HMGA2: variants seen among roughly 807,000 people sequenced by gnomAD.
HMGA2 encodes the protein high mobility group AT-hook 2.
A neutral mutation model predicts 19.1 loss-of-function variants in HMGA2; 8 were observed. The observed-to-expected ratio is 0.42, with a 90% CI of 0.25 to 0.76. HMGA2 has a LOEUF of 0.76. HMGA2 is among the 30% of genes least tolerant of loss of function. The pLI is 0.28. For missense variants in HMGA2, 109 were observed against 136.3 expected (o/e 0.80, Z 1.00); for synonymous variants, 60 against 48.8 (o/e 1.23, Z -0.96).
intron 3 of HMGA2, chr12:65,881,639 G>A: frequency 1.5e-6 from 1 of 663,278 alleles, no homozygotes; most frequent in Non-Finnish European, 2.7e-6. Flanking sequence ...AGGGAGGGAG[G>A]GAGGGAGGGA....
At chr12:65,947,289 A>ATTTT (rs760784031) in intron 3 of HMGA2, among the ~76,000 whole-genome samples, 1 of 151,972 alleles carries the variant, frequency 6.6e-6, no homozygotes. Flanking sequence ...CTGGCTAATT[A>ATTTT]TTTTTAATAG....
chr12:65,838,998 C>CTTTTTTTCTTTTT (rs1555180496), intron 3 of HMGA2, among the ~76,000 whole-genome samples: 4 of 107,220 alleles, frequency 3.7e-5, no homozygotes, highest in African/African-American at 1.6e-4. Flanking sequence ...TTTTCTTTTT[C>CTTTTTTTCTTTTT]TTTTTTTTTT....
intron 3 of HMGA2, among the ~76,000 whole-genome samples, chr12:65,896,943 T>A (rs902826094): frequency 1.3e-5 from 2 of 152,240 alleles, no homozygotes; most frequent in African/African-American, 4.8e-5. Flanking sequence ...GTGTTATCAA[T>A]GCCAGACTGA....
intron 3 of HMGA2, among the ~76,000 whole-genome samples, chr12:65,940,598 A>G (rs948373945): frequency 2.0e-5 from 3 of 152,218 alleles, no homozygotes; most frequent in South Asian, 2.1e-4. Context: ...ATGGTTGCCT[A>G]TAACACTGAT....
In HMGA2 at chr12:65,914,919, C is replaced by T. The variant is rs765043816; in HGVS notation, c.250-36464C>T. On this transcript the variant is annotated intron_variant, in intron 3 of 4. Coordinates refer to ENST00000403681, the MANE Select transcript of HMGA2 (RefSeq NM_003483.6). ...CGAACTCCTGACCTCAGGTGAGCCA[C>T]CCACCTTGGCCTCTCAAAGTGCTGG... 59 of 1,138,786 alleles carry T rather than the reference C, an allele frequency of 5.2e-5. No homozygotes were observed. The South Asian group carries it at 7.2e-4, about 14-fold the overall frequency. The allele number at this position is 1,138,786 out of a possible 1,614,324, so 70.5% of individuals were successfully genotyped here. A position where few individuals can be genotyped will look rare whatever the true frequency, so the allele number is the denominator to read the frequency against.
intron 3 of HMGA2, among the ~76,000 whole-genome samples, chr12:65,845,216 T>C (rs141250860): frequency 1.3e-5 from 2 of 152,274 alleles, no homozygotes; most frequent in African/African-American, 4.8e-5. Context: ...AACATTTTTG[T>C]TGTGTTTTTA....
chr12:65,889,719 T>C (rs1027213346), intron 3 of HMGA2, among the ~76,000 whole-genome samples: 4 of 152,294 alleles, frequency 2.6e-5, no homozygotes, highest in African/African-American at 9.6e-5. Context: ...TCTTCTTTCT[T>C]TCTCACAGCA....
chr12:65,867,031 A>G, intron 3 of HMGA2: 1 of 443,434 alleles, frequency 2.3e-6, no homozygotes. Context: ...ACTGCAGAAG[A>G]ACAAAGTAGA....
At chr12:65,907,566 CT>C (rs1258147282) in intron 3 of HMGA2, among the ~76,000 whole-genome samples, 1 of 152,114 alleles carries the variant, frequency 6.6e-6, no homozygotes, top group East Asian at 1.9e-4. Context: ...CTATGCCCCT[CT>C]TTGGAGGGAC....
chr12:65,865,219 G>T (rs1025086320), intron 3 of HMGA2, among the ~76,000 whole-genome samples: 6 of 152,132 alleles, frequency 3.9e-5, no homozygotes, highest in African/African-American at 1.4e-4. Flanking sequence ...TATCAGTAAG[G>T]CTTGCAGTCA....
chr12:65,918,563 C>T (rs940774007), intron 3 of HMGA2, among the ~76,000 whole-genome samples: 1 of 152,060 alleles, frequency 6.6e-6, no homozygotes, highest in Non-Finnish European at 1.5e-5. Flanking sequence ...GAAAAATGGC[C>T]TTGAAAACAT....
chr12:65,935,890 T>C (rs939464384), intron 3 of HMGA2, among the ~76,000 whole-genome samples: 8 of 152,146 alleles, frequency 5.3e-5, no homozygotes, highest in Non-Finnish European at 1.2e-4. Flanking sequence ...GTTTTGAAGA[T>C]AGGAGAACAA....
intron 3 of HMGA2, among the ~76,000 whole-genome samples, chr12:65,866,438 C>G (rs1438549591): frequency 3.3e-5 from 5 of 152,218 alleles, no homozygotes; most frequent in East Asian, 1.9e-4. Context: ...TCATGGATAG[C>G]CTTGCAGCTG....
chr12:65,838,997 TC>T (rs140527689), intron 3 of HMGA2, among the ~76,000 whole-genome samples: 14 of 142,456 alleles, frequency 9.8e-5, no homozygotes, highest in African/African-American at 3.8e-4. Flanking sequence ...TTTTTCTTTT[TC>T]TTTTTTTTTT....
At chr12:65,924,418 CTG>C (rs995251689) in intron 3 of HMGA2, among the ~76,000 whole-genome samples, 1 of 152,080 alleles carries the variant, frequency 6.6e-6, no homozygotes, top group Admixed American at 6.6e-5. Flanking sequence ...TCCTCTGCCT[CTG>C]TGTTGCCTCA....
At chr12:65,901,875 A>C (rs941595958) in intron 3 of HMGA2, among the ~76,000 whole-genome samples, 1 of 152,184 alleles carries the variant, frequency 6.6e-6, no homozygotes, top group African/African-American at 2.4e-5. Context: ...CAAACAAAAT[A>C]AAACACACAC....
chr12:65,920,915 T>C (rs1565733017), intron 3 of HMGA2, among the ~76,000 whole-genome samples: 1 of 152,194 alleles, frequency 6.6e-6, no homozygotes, highest in Admixed American at 6.5e-5. Context: ...AAGCAGAGAT[T>C]GGAACAGTTT....
At chr12:65,852,085 T>C (rs767199665) in intron 3 of HMGA2, among the ~76,000 whole-genome samples, 9 of 150,018 alleles carry the variant, frequency 6.0e-5, no homozygotes, top group African/African-American at 9.8e-5. Context: ...TGAAAGTAAT[T>C]TGTACTTTGT....
rs1592394059 is a variant in HMGA2 at position 65,860,437 on chromosome 12, A to G, written c.249+21868A>G. On this transcript the variant is annotated intron_variant, in intron 3 of 4. Coordinates refer to ENST00000403681, the MANE Select transcript of HMGA2 (RefSeq NM_003483.6). The stretch of plus-strand genomic sequence containing the variant: ...GCCAAAAAATTCCAGTCAGGCCATC[A>G]TAGGTCAGGGACTGTCTGTATGAAT... Among the ~76,000 whole-genome samples, 5 of 152,346 alleles carry G rather than the reference A, an allele frequency of 3.3e-5. No individual in the cohort carries two copies. In the South Asian group the frequency reaches 1.0e-3, roughly 32 times the overall value.
Sources: allele counts gnomAD v4.1 joint callset (sites outside exome capture counted in the v4.1 genomes callset), GRCh38; gene constraint gnomAD v4.1.1; transcripts MANE v1.5; gene names NCBI Gene and HGNC (gene_info 2026-07-23, HGNC 2026-07-21).